Variants in SLC12A2 observed in about 807,000 individuals in gnomAD.
SLC12A2 encodes solute carrier family 12 member 2, also known as Na-K-2Cl cotransporter 1.
Under a neutral mutation model 136.3 loss-of-function variants are expected in SLC12A2, and 67 were observed. That is an observed-to-expected ratio of 0.49 (90% CI 0.40 to 0.60). The LOEUF is 0.60. SLC12A2 is among the 20% of genes least tolerant of loss of function. The pLI, the probability that SLC12A2 is intolerant of heterozygous loss-of-function variation, is 0.00. For synonymous variants in SLC12A2, 619 were observed against 562.9 expected, an observed-to-expected ratio of 1.10 and a Z score of -1.41; for missense variants, 1,322 against 1,534.7, an observed-to-expected ratio of 0.86 and a Z score of 2.32.
intron 10 of SLC12A2, among the ~76,000 whole-genome samples, chr5:128,145,335 T>G (rs1581109259): frequency 6.6e-6 from 1 of 152,114 alleles, no homozygotes; most frequent in Non-Finnish European, 1.5e-5. Flanking sequence ...TGTACTTAAT[T>G]TAACTTTGAG....
At chr5:128,110,495 T>A in intron 1 of SLC12A2, 3 of 1,430,256 alleles carry the variant, frequency 2.1e-6, no homozygotes, top group Non-Finnish European at 3.0e-6. Flanking sequence ...TTCACCAACT[T>A]TTTCTTCTTT....
intron 1 of SLC12A2, among the ~76,000 whole-genome samples, chr5:128,085,354 A>AG (rs1385397302): frequency 6.6e-6 from 1 of 152,110 alleles, no homozygotes; most frequent in Non-Finnish European, 1.5e-5. Context: ...TTTAAAAAAA[A>AG]AGGGACAGAG....
At chr5:128,118,769 A>G (rs928051678) in intron 4 of SLC12A2, among the ~76,000 whole-genome samples, 1 of 152,192 alleles carries the variant, frequency 6.6e-6, no homozygotes, top group African/African-American at 2.4e-5. Context: ...CTTTTACTTG[A>G]TAAGAATACC....
intron 22 of SLC12A2, among the ~76,000 whole-genome samples, chr5:128,180,283 T>G (rs1322989279): frequency 6.6e-6 from 1 of 152,120 alleles, no homozygotes; most frequent in Admixed American, 6.5e-5. Context: ...TCTTTTGGGT[T>G]ATTTTCTAAT....
chr5:128,144,681 G>A (rs1762472220), intron 10 of SLC12A2, among the ~76,000 whole-genome samples: 1 of 152,006 alleles, frequency 6.6e-6, no homozygotes, highest in Admixed American at 6.6e-5. Context: ...TCCAGGCACT[G>A]AGTGTGTTTG....
chr5:128,111,032 C>T (rs2126667627), intron 1 of SLC12A2: 1 of 689,214 alleles, frequency 1.5e-6, no homozygotes, highest in East Asian at 2.7e-5. Context: ...TAATGGTGCT[C>T]TGAAGACTCT....
rs1166335871 is a variant in SLC12A2 at position 128,135,777 on chromosome 5, C to T, written c.1377C>T (p.Ser459=). 5 of 1,609,746 alleles carry T rather than the reference C, an allele frequency of 3.1e-6. No individual in the cohort carries two copies. The highest frequency in any genetic ancestry group is 2.2e-5 in the South Asian group (2 of 90,552). The change falls in exon 7 of 27, where the codon AGC becomes AGT. Residue 459 remains serine (S), a synonymous_variant. Coordinates refer to ENST00000262461, the MANE Select transcript of SLC12A2 (RefSeq NM_001046.3). ...FVIGTFIPLE[S]KKPKGFFGYK... is the part of the protein sequence containing the mutation. ...TAGGAACATTTATCCCACTGGAGAG[C>T]AAGAAGCCAAAAGGGTTTTTTGGTT...
intron 15 of SLC12A2, among the ~76,000 whole-genome samples, chr5:128,154,348 T>A (rs1446055999): frequency 6.6e-6 from 1 of 151,880 alleles, no homozygotes; most frequent in Non-Finnish European, 1.5e-5. Context: ...CCAAGGAGTG[T>A]CTAGGCTATA....
At chr5:128,108,401 C>T (rs544408375) in intron 1 of SLC12A2, among the ~76,000 whole-genome samples, 1 of 152,108 alleles carries the variant, frequency 6.6e-6, no homozygotes, top group South Asian at 2.1e-4. Context: ...GTAGAACCAG[C>T]CCAAATGTCC....
At chr5:128,133,427 C>A (rs914157902) in intron 5 of SLC12A2, among the ~76,000 whole-genome samples, 2 of 151,912 alleles carry the variant, frequency 1.3e-5, no homozygotes, top group African/African-American at 2.4e-5. Context: ...GAAATAATTT[C>A]TTTTGAAAAG....
chr5:128,177,401 C>A, intron 21 of SLC12A2: 1 of 293,194 alleles, frequency 3.4e-6, no homozygotes, highest in Non-Finnish European at 6.3e-6. Context: ...CCCAGACAGC[C>A]GGTATTAATT....
In SLC12A2 at chr5:128,091,028, T is replaced by G. The variant is rs1221662484; in HGVS notation, c.756+6318T>G. ...CACGCTGATTGTTGTGTAGAGAATA[T>G]ACTGTAAGGGGGCAAGAGTAGAAGG... is the stretch of plus-strand genomic sequence containing the variant. On this transcript the variant is annotated intron_variant, in intron 1 of 26. Coordinates refer to ENST00000262461, the MANE Select transcript of SLC12A2 (RefSeq NM_001046.3). Among the ~76,000 whole-genome samples, 5 of 152,168 alleles carry G rather than the reference T, an allele frequency of 3.3e-5. No individual in the cohort carries two copies. The East Asian group carries it at 9.6e-4, about 29-fold the overall frequency.
chr5:128,174,295 T>C (rs1171260960), intron 19 of SLC12A2, among the ~76,000 whole-genome samples: 1 of 152,110 alleles, frequency 6.6e-6, no homozygotes, highest in African/African-American at 2.4e-5. Context: ...AAATGCTCCA[T>C]TGAGCATCAT....
Position 128,084,123 on chromosome 5 carries a change from C to G in SLC12A2, c.169C>G (p.Arg57Gly). The G allele has an allele frequency of 3.8e-6, 5 of 1,304,138 alleles. No individual in the cohort carries two copies. The highest frequency in any genetic ancestry group is 4.8e-6 in the Non-Finnish European group (5 of 1,031,298). The allele number at this position is 1,304,138 out of a possible 1,614,324, so 80.8% of individuals were successfully genotyped here. A position where few individuals can be genotyped will look rare whatever the true frequency, so the allele number is the denominator to read the frequency against. ...APASRDGGGV[R>G]DEGPAAAGDG... ...CGCGAGCCGGGACGGCGGCGGGGTC[C>G]GCGATGAGGGCCCCGCGGCGGCCGG... The change falls in exon 1 of 27, where the codon CGC becomes GGC. Residue 57 changes from arginine (R) to glycine (G), a missense_variant. Coordinates refer to ENST00000262461, the MANE Select transcript of SLC12A2 (RefSeq NM_001046.3). This position sits in a 1 kb window ranked among gnomAD's most constrained non-coding sequence, Gnocchi z 5.6.
chr5:128,106,345 CCTT>C (rs1760938097), intron 1 of SLC12A2, among the ~76,000 whole-genome samples: 2 of 152,176 alleles, frequency 1.3e-5, no homozygotes, highest in Admixed American at 6.5e-5. Context: ...ACTTGAACCT[CCTT>C]GATTATACAG....
At position 128,083,989 on chromosome 5, in the gene SLC12A2, C is replaced by A. The variant is rs895786562; in HGVS notation, c.35C>A (p.Ala12Asp). ...CGGCCCACGGCGCCCTCCTCCGGCGCCCCGGGACTGGCCGGGGTCGGGGAG... is the reference window on the plus strand; with the variant it reads ...CGGCCCACGGCGCCCTCCTCCGGCGACCCGGGACTGGCCGGGGTCGGGGAG... ...EPRPTAPSSG[A>D]PGLAGVGETP... The change falls in exon 1 of 27, where the codon GCC (alanine) becomes GAC (aspartate). Residue 12 changes from alanine to aspartate, a missense_variant. Around this residue, in one of 8 missense-constraint regions of SLC12A2, gnomAD observed 358 missense variants for 299.7 expected, o/e 1.19. Transcript: ENST00000262461. 6.4e-6 allele frequency: 8 copies of A among 1,247,774 alleles called. No individual in the cohort carries two copies. The highest frequency in any genetic ancestry group is 1.6e-5 in the African/African-American group (1 of 63,948). The allele number at this position is 1,247,774 out of a possible 1,614,324, so 77.3% of individuals were successfully genotyped here.
At position 128,187,404 on chromosome 5, in the gene SLC12A2, C is replaced by T. The variant is rs1456227656; in HGVS notation, c.*773C>T. 1 of 151,976 alleles carries T rather than the reference C, an allele frequency of 6.6e-6. No individual in the cohort carries two copies. Among genetic ancestry groups the T allele is most frequent in the Non-Finnish European group, 1.5e-5 (1 of 67,978 alleles). The allele number at this position is 151,976 out of a possible 1,614,324, so 9.4% of individuals were successfully genotyped here. On this transcript the variant is annotated 3_prime_UTR_variant, in exon 27 of 27. Transcript: ENST00000262461. ...TTCTATATACCATGCTTAAAAATCA[C>T]GTCATTCTTTAAACAAAAATACTCA...
chr5:128,127,782 G>A (rs902440407), intron 4 of SLC12A2, among the ~76,000 whole-genome samples: 2 of 151,514 alleles, frequency 1.3e-5, no homozygotes, highest in Non-Finnish European at 2.9e-5. Flanking sequence ...ACATGTCCCT[G>A]CTTTCATTCC....
chr5:128,162,281 G>A (rs796893), intron 17 of SLC12A2, among the ~76,000 whole-genome samples: 148,435 of 152,214 alleles, frequency 0.98, 72,411 homozygotes, highest in East Asian at 1. Context: ...GCGATAGACA[G>A]TTAGACGAAT....
Sources: allele counts gnomAD v4.1 joint callset (sites outside exome capture counted in the v4.1 genomes callset), GRCh38; gene constraint gnomAD v4.1.1; regional missense constraint gnomAD v4.1.1; non-coding constraint Gnocchi (gnomAD v3.1); transcripts MANE v1.5; gene names NCBI Gene and HGNC (gene_info 2026-07-23, HGNC 2026-07-21).